GTF2IRD1: variants seen among roughly 807,000 people sequenced by gnomAD.
The protein encoded by GTF2IRD1 is general transcription factor II-I repeat domain-containing protein 1.
GTF2IRD1 carries 26 observed loss-of-function variants against 113.2 expected under a neutral mutation model. The ratio of observed to expected loss-of-function variants is 0.23; its 90% confidence interval spans 0.17 to 0.32. The LOEUF (loss-of-function observed/expected upper bound fraction) is 0.32. Among genes scored for constraint, GTF2IRD1 ranks in the 10% least tolerant of loss-of-function variants. The pLI is 1.00. For synonymous variants in GTF2IRD1, 484 were observed against 529.1 expected, an observed-to-expected ratio of 0.91 and a Z score of 1.17; for missense variants, 864 against 1,280.8, an observed-to-expected ratio of 0.67 and a Z score of 4.97.
intron 25 of GTF2IRD1, among the ~76,000 whole-genome samples, chr7:74,599,163 T>G (rs1325645199): frequency 6.6e-6 from 1 of 151,992 alleles, no homozygotes; most frequent in Admixed American, 6.6e-5. Flanking sequence ...GGTGTGCACC[T>G]GTAGGGAGGC....
At chr7:74,601,378 C>T (rs1802761636) in intron 26 of GTF2IRD1, 198 bp downstream of exon 26, 2 of 1,509,500 alleles carry the variant, frequency 1.3e-6, no homozygotes, top group East Asian at 2.5e-5. Context: ...TCGTGGGGTA[C>T]TCACAGGCAC....
At chr7:74,484,256 G>T (rs37612) in intron 1 of GTF2IRD1, among the ~76,000 whole-genome samples, 95,419 of 151,982 alleles carry the variant, frequency 0.63, 30,891 homozygotes, top group Admixed American at 0.74. Flanking sequence ...GATGGTATAT[G>T]CATCACCGGG....
intron 2 of GTF2IRD1, among the ~76,000 whole-genome samples, chr7:74,509,212 C>G (rs568287598): frequency 6.6e-6 from 1 of 152,028 alleles, no homozygotes; most frequent in Admixed American, 6.6e-5. Flanking sequence ...TAAAAATTAG[C>G]TGGGCCTGGT....
At chr7:74,459,411 T>A (rs1793213923) in intron 1 of GTF2IRD1, among the ~76,000 whole-genome samples, 1 of 151,700 alleles carries the variant, frequency 6.6e-6, no homozygotes, top group African/African-American at 2.4e-5. Context: ...TGAGCTGAGA[T>A]CGTACCATTG....
intron 14 of GTF2IRD1, 40 bp from the exon 15 acceptor site, chr7:74,544,715 T>C: frequency 6.2e-7 from 1 of 1,606,368 alleles, no homozygotes; most frequent in Non-Finnish European, 8.5e-7. Context: ...GCTTAGGAGA[T>C]GATGAATGTG....
At chr7:74,568,956 C>CACAAGG (rs1800516067) in intron 22 of GTF2IRD1, among the ~76,000 whole-genome samples, 3 of 152,168 alleles carry the variant, frequency 2.0e-5, no homozygotes, top group African/African-American at 7.2e-5. Flanking sequence ...GTGTGGGGCA[C>CACAAGG]TTGGATGACG....
chr7:74,476,254 T>TAGTTG (rs1258751023), intron 1 of GTF2IRD1, among the ~76,000 whole-genome samples: 1 of 152,088 alleles, frequency 6.6e-6, no homozygotes, highest in Non-Finnish European at 1.5e-5. Context: ...TGATGGCAGC[T>TAGTTG]AGTTGTTATT....
chr7:74,560,717 G>A (rs146407027), intron 22 of GTF2IRD1, among the ~76,000 whole-genome samples: 19 of 151,994 alleles, frequency 1.3e-4, no homozygotes, highest in African/African-American at 4.3e-4. Flanking sequence ...AAGTAGCTGG[G>A]ATTATAGGTG....
intron 4 of GTF2IRD1, 25 bp downstream of exon 4, chr7:74,515,621 G>T (rs781876569): frequency 6.3e-7 from 1 of 1,588,686 alleles, no homozygotes; most frequent in East Asian, 2.3e-5. Context: ...CATTCCATTT[G>T]GGGGCCCCAG....
chr7:74,580,704 G>A (rs1426511565), intron 22 of GTF2IRD1, among the ~76,000 whole-genome samples: 5 of 152,126 alleles, frequency 3.3e-5, no homozygotes, highest in Non-Finnish European at 5.9e-5. Flanking sequence ...TGAGCAGGAG[G>A]GGGGCAGGAA....
intron 1 of GTF2IRD1, among the ~76,000 whole-genome samples, chr7:74,495,267 G>A (rs1185541674): frequency 1.3e-5 from 2 of 152,168 alleles, no homozygotes; most frequent in Non-Finnish European, 2.9e-5. Flanking sequence ...CCAGGCTCTG[G>A]GCTGAGGCTA....
At chr7:74,507,737 G>T (rs1796376171) in intron 1 of GTF2IRD1, 1 of 242,628 alleles carries the variant, frequency 4.1e-6, no homozygotes, top group East Asian at 1.1e-4. Context: ...AGCCATGGAG[G>T]GTGTGTGAGC....
intron 26 of GTF2IRD1, 66 bp downstream of exon 26, chr7:74,601,246 G>T (rs782049876): frequency 6.4e-7 from 1 of 1,551,836 alleles, no homozygotes; most frequent in Non-Finnish European, 8.7e-7. Context: ...GTCTGGCAGG[G>T]CCGTCTACTC....
intron 5 of GTF2IRD1, 149 bp downstream of exon 5, chr7:74,518,471 G>A (rs1562827291): frequency 9.6e-6 from 6 of 627,936 alleles, no homozygotes; most frequent in Non-Finnish European, 1.7e-5. Context: ...TGATGGTGGA[G>A]GTGAAGTGAA....
At chr7:74,544,630 G>A in intron 14 of GTF2IRD1, 125 bp from the exon 15 acceptor site, 1 of 791,638 alleles carries the variant, frequency 1.3e-6, no homozygotes, top group Non-Finnish European at 2.1e-6. Context: ...CCATTGGAGT[G>A]GGTGCCATGC....
rs1220757185 is a variant in GTF2IRD1 at position 74,515,577 on chromosome 7, G to C, written c.402G>C (p.Glu134Asp). Reference sequence around the variant, plus strand: ...ACCTTCTGCGGAAGATGGTAGAGGAGGTGTTTGATGTTCTTTATAGTAAGA... The same window carrying C: ...ACCTTCTGCGGAAGATGGTAGAGGACGTGTTTGATGTTCTTTATAGTAAGA... Reference protein sequence around the residue: ...DVYLLRKMVEEVFDVLYSEAL... With the variant: ...DVYLLRKMVEDVFDVLYSEAL... The change falls in exon 4 of 27, where the codon GAG becomes GAC. Residue 134 changes from glutamate (E) to aspartate (D), a missense_variant. By Grantham distance (45) the Glu-to-Asp change is conservative (BLOSUM62 2). Coordinates refer to ENST00000424337, the MANE Select transcript of GTF2IRD1 (RefSeq NM_005685.4). 4 of 1,612,522 alleles carry C rather than the reference G, an allele frequency of 2.5e-6. No homozygotes were observed. The highest frequency in any genetic ancestry group is 4.5e-5 in the East Asian group (2 of 44,798).
intron 8 of GTF2IRD1, among the ~76,000 whole-genome samples, chr7:74,525,160 A>T (rs1797530346): frequency 6.6e-6 from 1 of 152,164 alleles, no homozygotes; most frequent in Non-Finnish European, 1.5e-5. Context: ...TCCCAGCTTT[A>T]CCTGTGCTGT....
At chr7:74,593,875 G>T (rs1802230970) in intron 24 of GTF2IRD1, among the ~76,000 whole-genome samples, 1 of 151,908 alleles carries the variant, frequency 6.6e-6, no homozygotes, top group Admixed American at 6.6e-5. Flanking sequence ...CTGCACTCCA[G>T]CCTGGGCGAC....
At chr7:74,482,544 T>C (rs1794803056) in intron 1 of GTF2IRD1, among the ~76,000 whole-genome samples, 1 of 152,052 alleles carries the variant, frequency 6.6e-6, no homozygotes, top group South Asian at 2.1e-4. Flanking sequence ...ACACTTTTCA[T>C]TGAGAACAAA....
Sources: gnomAD v4.1 joint callset for allele counts (sites outside exome capture counted in the v4.1 genomes callset) on GRCh38, gnomAD v4.1.1 for gene constraint, MANE v1.5 for transcripts, NCBI Gene and HGNC (gene_info 2026-07-23, HGNC 2026-07-21) for gene names.